Variants in INCA1 observed in about 807,000 individuals in gnomAD.
INCA1 encodes protein INCA1.
A neutral mutation model predicts 25.7 loss-of-function variants in INCA1; 28 were observed. The ratio of observed to expected loss-of-function variants is 1.09; its 90% CI spans 0.81 to 1.49. The LOEUF (loss-of-function observed/expected upper bound fraction) is 1.49. INCA1 is among the 40% of genes most tolerant of loss of function. INCA1 has a pLI of 0.00. For missense variants in INCA1, 309 were observed against 290.9 expected, an observed-to-expected ratio of 1.06 and a Z score of -0.45; for synonymous variants, 111 against 103.6, an observed-to-expected ratio of 1.07 and a Z score of -0.43.
At chr17:4,994,303 C>G in intron 2 of INCA1, 91 bp downstream of exon 2, 1 of 1,206,278 alleles carries the variant, frequency 8.3e-7, no homozygotes, top group Non-Finnish European at 1.2e-6. Flanking sequence ...ATTTCCCGTT[C>G]TTTATTTCCT....
exon 7 of INCA1, chr17:4,988,225 G>A: frequency 3.5e-6 from 2 of 568,056 alleles, no homozygotes; most frequent in Non-Finnish European, 5.9e-6. Context: ...CTGTGAGAGC[G>A]GTGGGTTGAG....
intron 1 of INCA1, among the ~76,000 whole-genome samples, chr17:4,996,083 T>G (rs1256495967): frequency 6.6e-6 from 1 of 150,662 alleles, no homozygotes; most frequent in African/African-American, 2.4e-5. Flanking sequence ...CCAGTTGGGG[T>G]GGGGAGAAAG....
intron 2 of INCA1, among the ~76,000 whole-genome samples, chr17:4,993,358 T>C (rs1974006918): frequency 6.6e-6 from 1 of 151,708 alleles, no homozygotes; most frequent in Non-Finnish European, 1.5e-5. Flanking sequence ...TTTGTATTTT[T>C]AGTAGAGATG....
At chr17:4,994,363 C>G in intron 2 of INCA1, 31 bp downstream of exon 2, 1 of 1,610,400 alleles carries the variant, frequency 6.2e-7, no homozygotes, top group South Asian at 1.1e-5. Flanking sequence ...CCATCCCATC[C>G]CCATGCTCCC....
At chr17:4,994,972 G>A (rs1597822105) in intron 1 of INCA1, among the ~76,000 whole-genome samples, 3 of 152,270 alleles carry the variant, frequency 2.0e-5, no homozygotes, top group Admixed American at 2.0e-4. Flanking sequence ...TTGGGAGGCC[G>A]AGGCAGGCAG....
At chr17:4,995,437 TG>T (rs1247334217) in intron 1 of INCA1, among the ~76,000 whole-genome samples, 2 of 152,010 alleles carry the variant, frequency 1.3e-5, no homozygotes, top group African/African-American at 4.8e-5. Flanking sequence ...TGGAGGCATT[TG>T]GGGGTAAGAG....
chr17:4,991,164 C>T (rs1453164976), intron 2 of INCA1, among the ~76,000 whole-genome samples: 1 of 151,920 alleles, frequency 6.6e-6, no homozygotes, highest in African/African-American at 2.4e-5. Flanking sequence ...GTGATCCACC[C>T]GCCTCGGCCT....
intron 2 of INCA1, among the ~76,000 whole-genome samples, chr17:4,992,418 A>C (rs1973933026): frequency 6.6e-6 from 1 of 150,948 alleles, no homozygotes; most frequent in East Asian, 2.0e-4. Flanking sequence ...GAGTGCTGGG[A>C]CTACAGGCGT....
At chr17:4,992,523 A>G (rs976638342) in intron 2 of INCA1, among the ~76,000 whole-genome samples, 1 of 152,148 alleles carries the variant, frequency 6.6e-6, no homozygotes, top group Non-Finnish European at 1.5e-5. Context: ...AGCTCAAGCA[A>G]TCCTCCCACC....
At chr17:4,994,740 A>G in intron 1 of INCA1, among the ~76,000 whole-genome samples, 1 of 141,152 alleles carries the variant, frequency 7.1e-6, no homozygotes. Context: ...CAGTGAGCCG[A>G]GATCGCGCCA....
chr17:4,992,734 G>A (rs1029551788), intron 2 of INCA1, among the ~76,000 whole-genome samples: 1 of 123,270 alleles, frequency 8.1e-6, no homozygotes, highest in Non-Finnish European at 1.6e-5. Flanking sequence ...TTTAGAGACA[G>A]GGACTTGCTT....
exon 7 of INCA1, chr17:4,988,475 C>A (rs1973526825): frequency 6.2e-7 from 1 of 1,614,146 alleles, no homozygotes; most frequent in Non-Finnish European, 8.5e-7. Context: ...TGTGACAGTG[C>A]TGAACGAGGC....
At chr17:4,994,517 T>C in intron 1 of INCA1, 42 bp from the exon 2 acceptor site, 1 of 1,512,602 alleles carries the variant, frequency 6.6e-7, no homozygotes, top group Non-Finnish European at 9.2e-7. Flanking sequence ...TCGGGCTGGA[T>C]GTGGTGGCTC....
exon 5 of INCA1, chr17:4,989,563 A>G: frequency 7.4e-6 from 12 of 1,614,136 alleles, no homozygotes; most frequent in Non-Finnish European, 9.3e-6. Context: ...TCTCCAAAGC[A>G]TTTCAGGGGG....
In INCA1 at chr17:4,989,887, TA is replaced by T; in HGVS notation, c.198+2del. ...ATGTTAAACGGCAGAGGGTCTGTCT[TA>T]CCAGCATGGGTGGAATGTGCTGCTC... is the stretch of plus-strand genomic sequence containing the variant. On this transcript the variant is annotated splice_donor_variant, in intron 4 of 6. Coordinates refer to ENST00000576820, the Ensembl canonical transcript of INCA1. LOFTEE classifies it high-confidence loss of function. The T allele has an allele frequency of 2.5e-6, 4 of 1,614,186 alleles. No individual in the cohort carries two copies. The highest frequency in any genetic ancestry group is 3.4e-6 in the Non-Finnish European group (4 of 1,180,028).
chr17:4,988,164 G>A, downstream of INCA1: 1 of 432,430 alleles, frequency 2.3e-6, no homozygotes, highest in Middle Eastern at 6.0e-4. Context: ...AGAGCAGAGA[G>A]AATACAAGGC....
At chr17:4,994,405 G>A (rs779018352) in exon 2 of INCA1, 7 of 1,613,814 alleles carry the variant, frequency 4.3e-6, no homozygotes, top group African/African-American at 1.3e-5. Flanking sequence ...TGGCAAAGGG[G>A]ATGAGGTTGA....
chr17:4,988,721 T>G, intron 6 of INCA1, 58 bp downstream of exon 6: 2 of 1,602,662 alleles, frequency 1.2e-6, no homozygotes, highest in Non-Finnish European at 1.7e-6. Flanking sequence ...TGCATCTCCA[T>G]GCAAGACCAG....
chr17:4,989,493 G>A (rs771433075), exon 5 of INCA1: 19 of 1,614,050 alleles, frequency 1.2e-5, no homozygotes, highest in Middle Eastern at 1.6e-4. Flanking sequence ...TCACCCGGGC[G>A]GGGACTCCCC....
Sources: gnomAD v4.1 joint callset for allele counts (sites outside exome capture counted in the v4.1 genomes callset) on GRCh38, gnomAD v4.1.1 for gene constraint, MANE v1.5 for transcripts, NCBI Gene and HGNC (gene_info 2026-07-23, HGNC 2026-07-21) for gene names.